Variants in CFAP77 observed in about 807,000 individuals in gnomAD.
CFAP77 encodes cilia and flagella associated protein 77, also known as cilia- and flagella-associated protein 77.
In CFAP77, 25 loss-of-function variants were observed where a neutral mutation model predicts 31.1. That is an observed-to-expected ratio of 0.80 (90% CI 0.59 to 1.12). The LOEUF (loss-of-function observed/expected upper bound fraction) is 1.12. CFAP77 is among the 50% of genes most tolerant of loss of function. The pLI, the probability that CFAP77 is intolerant of heterozygous loss-of-function variation, is 0.00. For missense variants in CFAP77, 377 were observed against 397.3 expected, an observed-to-expected ratio of 0.95 and a Z score of 0.44; for synonymous variants, 151 against 159.9, an observed-to-expected ratio of 0.94 and a Z score of 0.42.
chr9:132,542,957 G>A lies in CFAP77; in HGVS notation c.642G>A (p.Gly214=). 2.5e-6 allele frequency: 4 copies of A among 1,614,144 alleles called. No homozygotes were observed. The highest frequency in any genetic ancestry group is 3.4e-6 in the Non-Finnish European group (4 of 1,179,996). The change falls in exon 5 of 6, where the codon GGG becomes GGA. Residue 214 remains glycine, a synonymous_variant. Transcript: ENST00000393216. ...KLEKKQKVVL[G]KLYETRSSQL... ...TCCCTGGCCTACAGGTGGTCCTTGG[G>A]AAGCTGTATGAGACCCGGAGCAGTC...
At chr9:132,513,880 A>G (rs544662770) in intron 3 of CFAP77, among the ~76,000 whole-genome samples, 1 of 151,450 alleles carries the variant, frequency 6.6e-6, no homozygotes, top group Non-Finnish European at 1.5e-5. Flanking sequence ...AACTCTTTCT[A>G]CCTCCTCTGT....
At chr9:132,487,354 A>G (rs1851579369) in intron 1 of CFAP77, among the ~76,000 whole-genome samples, 1 of 152,152 alleles carries the variant, frequency 6.6e-6, no homozygotes, top group African/African-American at 2.4e-5. Context: ...CTCGCCCCCC[A>G]GCCACCAGCC....
intron 1 of CFAP77, among the ~76,000 whole-genome samples, chr9:132,448,467 TA>T (rs1328677785): frequency 1.3e-5 from 2 of 152,162 alleles, no homozygotes; most frequent in Non-Finnish European, 2.9e-5. Context: ...CATTTCTTTA[TA>T]AAACAGGGAT....
intron 1 of CFAP77, among the ~76,000 whole-genome samples, chr9:132,429,958 G>T (rs1216617410): frequency 1.3e-5 from 2 of 152,014 alleles, no homozygotes; most frequent in Non-Finnish European, 2.9e-5. Flanking sequence ...AAGGGAAGAG[G>T]CTCAGTTAAC....
intron 1 of CFAP77, among the ~76,000 whole-genome samples, chr9:132,432,002 C>T (rs995187605): frequency 1.2e-4 from 19 of 152,112 alleles, no homozygotes; most frequent in African/African-American, 3.1e-4. Flanking sequence ...AACAAAACCA[C>T]GCCTGTGAAC....
At chr9:132,437,658 C>T (rs1469142688) in intron 1 of CFAP77, among the ~76,000 whole-genome samples, 3 of 151,428 alleles carry the variant, frequency 2.0e-5, no homozygotes, top group South Asian at 2.1e-4. Context: ...TACAGGCGCC[C>T]GCCAGCACAC....
chr9:132,517,720 C>T lies in CFAP77; in HGVS notation c.524+18120C>T, dbSNP rs926339480. ...AATCCACAGAGCACTCCTGGCAGAG[C>T]GGAGCCGCACCGGCAAATCAGAGCT... On this transcript the variant is annotated intron_variant, in intron 3 of 5. Transcript: ENST00000393216. This position sits in a 1 kb window ranked among gnomAD's most constrained non-coding sequence, Gnocchi z 4.7. Among the ~76,000 whole-genome samples, 2 of 152,244 alleles carry T rather than the reference C, an allele frequency of 1.3e-5. No homozygotes were observed. Among genetic ancestry groups the T allele is most frequent in the Non-Finnish European group, 2.9e-5 (2 of 68,050 alleles).
rs533743216 is a variant in CFAP77, at chr9:132,438,304, A to G, written c.195+27838A>G. On this transcript the variant is annotated intron_variant, in intron 1 of 5. Coordinates refer to ENST00000393216, the MANE Select transcript of CFAP77 (RefSeq NM_001282957.2). ...TATAACTTAAAGTTTGTATAATTTA[A>G]TTTTTAATGATGTTCCTATTTTACA... 2.0e-5 allele frequency among the ~76,000 whole-genome samples: 3 copies of G among 150,988 alleles called. No individual in the cohort carries two copies. The East Asian group carries it at 5.8e-4, about 29-fold the overall frequency.
At chr9:132,503,922 A>G (rs746490497) in intron 3 of CFAP77, among the ~76,000 whole-genome samples, 8 of 152,108 alleles carry the variant, frequency 5.3e-5, no homozygotes, top group Non-Finnish European at 1.2e-4. Context: ...GGTGGCATGC[A>G]TCTGTAATCA....
At chr9:132,508,586 G>A (rs940253438) in intron 3 of CFAP77, among the ~76,000 whole-genome samples, 1 of 152,134 alleles carries the variant, frequency 6.6e-6, no homozygotes. Flanking sequence ...TAGGACAGTG[G>A]GGGGGTTTTG....
intron 1 of CFAP77, among the ~76,000 whole-genome samples, chr9:132,453,190 A>G (rs1035881398): frequency 2.6e-5 from 4 of 152,124 alleles, no homozygotes; most frequent in African/African-American, 7.2e-5. Context: ...AGTAACAGTG[A>G]TTCCTAAAAT....
At chr9:132,482,418 G>C in intron 1 of CFAP77, 1 of 1,610,536 alleles carries the variant, frequency 6.2e-7, no homozygotes, top group Non-Finnish European at 8.5e-7. Context: ...AGGCCCACAG[G>C]TGTTTCTTCC....
At chr9:132,535,642 G>T (rs1368114799) in intron 3 of CFAP77, among the ~76,000 whole-genome samples, 1 of 152,100 alleles carries the variant, frequency 6.6e-6, no homozygotes, top group Non-Finnish European at 1.5e-5. Flanking sequence ...GAACCTGGGA[G>T]GCAAGGTTGC....
intron 1 of CFAP77, among the ~76,000 whole-genome samples, chr9:132,475,407 G>T (rs1318735474): frequency 3.9e-5 from 6 of 152,194 alleles, no homozygotes; most frequent in Non-Finnish European, 7.3e-5. Flanking sequence ...GCTAAGGCTG[G>T]TCTGCAGTTG....
chr9:132,485,835 T>A (rs564280872), intron 1 of CFAP77, among the ~76,000 whole-genome samples: 2 of 151,510 alleles, frequency 1.3e-5, no homozygotes, highest in South Asian at 4.2e-4. Flanking sequence ...AGAGGTCATC[T>A]GACCACAGAC....
At chr9:132,437,459 C>T (rs866692879) in intron 1 of CFAP77, among the ~76,000 whole-genome samples, 62 of 150,714 alleles carry the variant, frequency 4.1e-4, no homozygotes, top group Non-Finnish European at 2.1e-4. Context: ...GGACTTCGTC[C>T]GAGGGCAGTG....
chr9:132,569,792 G>C (rs139412286), intron 5 of CFAP77, among the ~76,000 whole-genome samples: 2 of 144,954 alleles, frequency 1.4e-5, no homozygotes, highest in African/African-American at 5.2e-5. Flanking sequence ...CTGGAGTGCA[G>C]TGGCACAATC....
chr9:132,476,789 G>T (rs1197737748), intron 1 of CFAP77, among the ~76,000 whole-genome samples: 1 of 152,158 alleles, frequency 6.6e-6, no homozygotes, highest in African/African-American at 2.4e-5. Context: ...ACCACCAGCA[G>T]CCGGGAGAGA....
chr9:132,451,086 C>T (rs1217112732), intron 1 of CFAP77, among the ~76,000 whole-genome samples: 2 of 152,150 alleles, frequency 1.3e-5, no homozygotes, highest in Non-Finnish European at 2.9e-5. Context: ...CCTGTAATCT[C>T]AGCACTCTGG....
Sources: allele counts gnomAD v4.1 joint callset (sites outside exome capture counted in the v4.1 genomes callset), GRCh38; gene constraint gnomAD v4.1.1; non-coding constraint Gnocchi (gnomAD v3.1); transcripts MANE v1.5; gene names NCBI Gene and HGNC (gene_info 2026-07-23, HGNC 2026-07-21).